DAB1: variants seen among roughly 807,000 people sequenced by gnomAD.
DAB1 encodes the protein disabled homolog 1.
Under a neutral mutation model 64.6 loss-of-function variants are expected in DAB1, and 15 were observed. The ratio of observed to expected loss-of-function variants is 0.23; its 90% CI spans 0.16 to 0.36. The LOEUF (loss-of-function observed/expected upper bound fraction) is 0.36. Ranked by LOEUF, DAB1 falls within the 10% of genes least tolerant of loss-of-function variation. DAB1 has a pLI of 1.00. For synonymous variants in DAB1, 235 were observed against 251.9 expected, an observed-to-expected ratio of 0.93 and a Z score of 0.64; for missense variants, 596 against 706.7, an observed-to-expected ratio of 0.84 and a Z score of 1.78.
At chr1:57,810,277 C>T (rs538213830) in intron 6 of DAB1, among the ~76,000 whole-genome samples, 1 of 152,232 alleles carries the variant, frequency 6.6e-6, no homozygotes, top group East Asian at 1.9e-4. Context: ...GGCCTATTGC[C>T]TGTTGATGAA....
chr1:58,106,786 T>G (rs1030320260), intron 5 of DAB1, among the ~76,000 whole-genome samples: 1 of 152,074 alleles, frequency 6.6e-6, no homozygotes, highest in Admixed American at 6.6e-5. Context: ...ATTCTGTGCC[T>G]TCCATCACTG....
rs548688647 is a variant in DAB1 at position 57,692,119 on chromosome 1, G to A, written n.552-42454C>T. On this transcript the variant is annotated intron_variant and non_coding_transcript_variant, in intron 6 of 20. Coordinates refer to the DAB1 transcript ENST00000485760. ...TTGATTGACCCCGTGGCCACAAGCA[G>A]AAGTCTCAAAGTCACGTTGCCCAAG... 1.2e-3 allele frequency among the ~76,000 whole-genome samples: 182 copies of A among 152,172 alleles called. 1 individual carries two copies. The highest frequency in any genetic ancestry group is 4.1e-3 in the African/African-American group (171 of 41,526).
chr1:57,891,242 C>T (rs892980433), intron 5 of DAB1, among the ~76,000 whole-genome samples: 1 of 151,974 alleles, frequency 6.6e-6, no homozygotes, highest in Non-Finnish European at 1.5e-5. Context: ...TTTATGCGGC[C>T]AACAAACATG....
intron 4 of DAB1, among the ~76,000 whole-genome samples, chr1:58,186,293 A>G (rs1264071404): frequency 6.6e-6 from 1 of 152,196 alleles, no homozygotes; most frequent in Non-Finnish European, 1.5e-5. Flanking sequence ...TCCTGCCCAT[A>G]GTGTTGTTAA....
intron 1 of DAB1, among the ~76,000 whole-genome samples, chr1:57,857,638 C>A (rs113419171): frequency 5.9e-5 from 9 of 151,974 alleles, no homozygotes; most frequent in African/African-American, 2.2e-4. Flanking sequence ...AAAGTTGCCA[C>A]GAGTGGAAAA....
At chr1:57,142,235 A>G (rs1037533991) in intron 3 of DAB1, among the ~76,000 whole-genome samples, 4 of 152,186 alleles carry the variant, frequency 2.6e-5, no homozygotes, top group Non-Finnish European at 5.9e-5. Context: ...AACACGCACC[A>G]GCTTCAGAGA....
chr1:58,067,275 T>C (rs990100421), intron 5 of DAB1, among the ~76,000 whole-genome samples: 5 of 152,340 alleles, frequency 3.3e-5, no homozygotes, highest in Non-Finnish European at 7.4e-5. Flanking sequence ...TCCCACGGCC[T>C]AGCCCAGTGC....
At chr1:58,380,314 T>C (rs888828225) in intron 3 of DAB1, among the ~76,000 whole-genome samples, 1 of 152,206 alleles carries the variant, frequency 6.6e-6, no homozygotes, top group African/African-American at 2.4e-5. Flanking sequence ...CAGTGCTCTC[T>C]CTCTCTCACC....
chr1:57,535,132 C>T (rs993549558), intron 7 of DAB1, among the ~76,000 whole-genome samples: 3 of 152,096 alleles, frequency 2.0e-5, no homozygotes, highest in Non-Finnish European at 2.9e-5. Flanking sequence ...ATAATTTCTG[C>T]CACTGCATTA....
chr1:57,821,845 A>C (rs2101895993), downstream of DAB1, among the ~76,000 whole-genome samples: 1 of 152,334 alleles, frequency 6.6e-6, no homozygotes, highest in East Asian at 1.9e-4. Flanking sequence ...GGAAAAGGCA[A>C]GAGAAAAAGT....
intron 5 of DAB1, among the ~76,000 whole-genome samples, chr1:58,133,723 T>C (rs915032921): frequency 2.0e-5 from 3 of 152,250 alleles, no homozygotes. Flanking sequence ...AACCTCCAAG[T>C]AAGCATAGGT....
At chr1:57,581,577 A>G (rs1159505296) in intron 7 of DAB1, among the ~76,000 whole-genome samples, 1 of 152,018 alleles carries the variant, frequency 6.6e-6, no homozygotes, top group Admixed American at 6.6e-5. Flanking sequence ...GGTGGCACTG[A>G]CCTCATTGAA....
intron 4 of DAB1, among the ~76,000 whole-genome samples, chr1:58,320,383 C>T (rs527574943): frequency 7.2e-5 from 11 of 152,302 alleles, no homozygotes; most frequent in Middle Eastern, 3.4e-3. Context: ...TGGCACTGTG[C>T]TATGTGTATA....
chr1:57,722,234 T>G (rs1647160188), intron 6 of DAB1, among the ~76,000 whole-genome samples: 1 of 152,196 alleles, frequency 6.6e-6, no homozygotes, highest in African/African-American at 2.4e-5. Context: ...ACAGAACAAG[T>G]ACTCAGAGTT....
chr1:57,459,950 A>C (rs561972966), intron 7 of DAB1, among the ~76,000 whole-genome samples: 1 of 152,278 alleles, frequency 6.6e-6, no homozygotes, highest in African/African-American at 2.4e-5. Flanking sequence ...CCTGGCCCTC[A>C]GTTTTCTAAT....
intron 5 of DAB1, among the ~76,000 whole-genome samples, chr1:57,965,307 T>C (rs1170575396): frequency 6.6e-6 from 1 of 152,204 alleles, no homozygotes; most frequent in Non-Finnish European, 1.5e-5. Context: ...TAGGATTGGG[T>C]GAATTGAATA....
At position 57,155,296 on chromosome 1, in the gene DAB1, T is replaced by C. The variant is rs375350350; in HGVS notation, c.68-9867A>G. ...ATTAGAGAGACTTTTTTTTCCCAAG[T>C]GTATATTCTTGGTAACTTTGTTGAA... On this transcript the variant is annotated intron_variant, in intron 2 of 14. Transcript: ENST00000371236. Among the ~76,000 whole-genome samples, 47 of 152,294 alleles carry C rather than the reference T, an allele frequency of 3.1e-4. No individual in the cohort carries two copies. The East Asian group carries it at 5.4e-3, about 18-fold the overall frequency.
intron 7 of DAB1, among the ~76,000 whole-genome samples, chr1:57,482,886 C>T (rs192115507): frequency 2.6e-5 from 4 of 152,182 alleles, no homozygotes; most frequent in South Asian, 2.1e-4. Flanking sequence ...AATGTACTAC[C>T]CTGTCTTACT....
upstream of DAB1, among the ~76,000 whole-genome samples, chr1:57,428,924 T>C (rs1685395340): frequency 1.3e-5 from 2 of 150,874 alleles, no homozygotes; most frequent in Non-Finnish European, 3.0e-5. Context: ...TTTGCTTTTT[T>C]TTTTTTGAGA....
Sources: gnomAD v4.1 joint callset for allele counts (sites outside exome capture counted in the v4.1 genomes callset) on GRCh38, gnomAD v4.1.1 for gene constraint, MANE v1.5 for transcripts, NCBI Gene and HGNC (gene_info 2026-07-23, HGNC 2026-07-21) for gene names.